MSRA: variants seen among roughly 807,000 people sequenced by gnomAD.
MSRA encodes the protein methionine sulfoxide reductase A.
Under a neutral mutation model 31.3 loss-of-function variants are expected in MSRA, and 54 were observed. That is an observed-to-expected ratio of 1.73 (90% CI 1.39 to 2.17). MSRA has a LOEUF of 2.17. Among genes scored for constraint, MSRA ranks in the 30% most tolerant of loss-of-function variants. MSRA has a pLI of 0.00. For missense variants in MSRA, 507 were observed against 300.9 expected, an observed-to-expected ratio of 1.69 and a Z score of -5.07; for synonymous variants, 169 against 116.5, an observed-to-expected ratio of 1.45 and a Z score of -2.90.
intron 1 of MSRA, among the ~76,000 whole-genome samples, chr8:10,107,899 A>G (rs1054349977): frequency 1.1e-4 from 17 of 152,292 alleles, no homozygotes; most frequent in African/African-American, 3.1e-4. Flanking sequence ...CAGAGAGAGC[A>G]TCCCTAATCT....
At chr8:10,379,483 G>A (rs1377069072) in intron 5 of MSRA, among the ~76,000 whole-genome samples, 1 of 152,124 alleles carries the variant, frequency 6.6e-6, no homozygotes, top group Admixed American at 6.5e-5. Context: ...CTGTGGCCTC[G>A]CCCCATGCCA....
At chr8:10,298,465 G>T (rs554028173) in intron 3 of MSRA, among the ~76,000 whole-genome samples, 1 of 152,126 alleles carries the variant, frequency 6.6e-6, no homozygotes, top group East Asian at 1.9e-4. Flanking sequence ...CCAGGGCCCA[G>T]TGGGAGCGGG....
intron 3 of MSRA, among the ~76,000 whole-genome samples, chr8:10,258,010 T>G (rs1377776588): frequency 6.6e-6 from 1 of 152,212 alleles, no homozygotes; most frequent in African/African-American, 2.4e-5. Context: ...TAATAGGTTT[T>G]AGTCGTTTCC....
chr8:10,391,811 C>G (rs1297520015), intron 5 of MSRA, among the ~76,000 whole-genome samples: 1 of 152,218 alleles, frequency 6.6e-6, no homozygotes, highest in Non-Finnish European at 1.5e-5. Flanking sequence ...AGGGCAGAGA[C>G]AGAATTATGA....
At chr8:10,146,124 T>G (rs917390171) in intron 1 of MSRA, among the ~76,000 whole-genome samples, 4 of 152,192 alleles carry the variant, frequency 2.6e-5, no homozygotes, top group Non-Finnish European at 4.4e-5. Flanking sequence ...GTGTGTGGTT[T>G]GGACCAGAAC....
At chr8:10,349,628 C>T (rs573272389) in intron 5 of MSRA, among the ~76,000 whole-genome samples, 16 of 152,318 alleles carry the variant, frequency 1.1e-4, no homozygotes, top group Non-Finnish European at 2.2e-4. Flanking sequence ...TGAGGAAGAC[C>T]CTGTCTGAGT....
intron 4 of MSRA, among the ~76,000 whole-genome samples, chr8:10,315,786 A>G (rs1164694235): frequency 6.6e-6 from 1 of 152,220 alleles, no homozygotes; most frequent in African/African-American, 2.4e-5. Flanking sequence ...TAATATTTTC[A>G]TTATTTGGCC....
At chr8:10,068,456 C>G (rs1263052774) in intron 1 of MSRA, among the ~76,000 whole-genome samples, 1 of 152,184 alleles carries the variant, frequency 6.6e-6, no homozygotes, top group Non-Finnish European at 1.5e-5. Flanking sequence ...TTGCATTTAG[C>G]TATGTGATCC....
intron 5 of MSRA, among the ~76,000 whole-genome samples, chr8:10,320,951 C>T (rs1268491971): frequency 2.0e-5 from 3 of 152,194 alleles, no homozygotes; most frequent in Non-Finnish European, 4.4e-5. Context: ...CTGTAAAGAC[C>T]CGTTCTCCAA....
rs1585074646 is a variant in MSRA at position 10,066,023 on chromosome 8, A to T, written c.142+11365A>T. Among the ~76,000 whole-genome samples the T allele has an allele frequency of 2.0e-5, 3 of 149,836 alleles. No individual in the cohort carries two copies. In the East Asian group the frequency reaches 5.8e-4, roughly 29 times the overall value. The stretch of plus-strand genomic sequence containing the variant: ...ATTATTAATATAACTTAATATAATA[A>T]TATATAATAACTTTTTTGAGACAGA... On this transcript the variant is annotated intron_variant, in intron 1 of 5. Transcript: ENST00000317173.
At chr8:10,204,744 A>G (rs1808796120) in intron 1 of MSRA, among the ~76,000 whole-genome samples, 1 of 152,230 alleles carries the variant, frequency 6.6e-6, no homozygotes, top group Non-Finnish European at 1.5e-5. Flanking sequence ...GGATCAAATA[A>G]GTTATCTTTC....
intron 5 of MSRA, among the ~76,000 whole-genome samples, chr8:10,387,762 T>G (rs1297680733): frequency 6.6e-6 from 1 of 152,232 alleles, no homozygotes; most frequent in Non-Finnish European, 1.5e-5. Flanking sequence ...GTAGTTCATC[T>G]TTCCTAGTTA....
chr8:10,428,179 C>G lies in MSRA; in HGVS notation c.575C>G (p.Thr192Ser), dbSNP rs199649360. 712 of 1,614,118 alleles carry G rather than the reference C, an allele frequency of 4.4e-4. No homozygotes were observed. Among genetic ancestry groups the G allele is most frequent in the Non-Finnish European group, 5.6e-4 (661 of 1,179,996 alleles). Residue 192 changes from threonine (T) to serine (S), a missense_variant, in exon 6 of 6, where the codon ACT becomes AGT. By Grantham distance (58) the Thr-to-Ser change is moderately conservative (BLOSUM62 1). Coordinates refer to ENST00000317173, the MANE Select transcript of MSRA (RefSeq NM_012331.5). ...TCAGAGCACGGCTTCGGCCCCATCA[C>G]TACCGACATCCGGGAGGGACAGACT... ...VLSEHGFGPI[T>S]TDIREGQTFY...
chr8:10,086,646 G>A (rs1198688033), intron 1 of MSRA, among the ~76,000 whole-genome samples: 1 of 152,100 alleles, frequency 6.6e-6, no homozygotes, highest in Non-Finnish European at 1.5e-5. Context: ...TTCTTATTGT[G>A]GCGGTTGTTA....
chr8:10,405,877 T>C (rs1807780940), intron 5 of MSRA, among the ~76,000 whole-genome samples: 1 of 152,126 alleles, frequency 6.6e-6, no homozygotes, highest in South Asian at 2.1e-4. Context: ...ACATACACAA[T>C]ATTCACACAT....
At chr8:10,256,012 T>G (rs1798158170) in intron 3 of MSRA, among the ~76,000 whole-genome samples, 1 of 152,060 alleles carries the variant, frequency 6.6e-6, no homozygotes, top group East Asian at 1.9e-4. Context: ...AGCCATAGTT[T>G]GCGTTGAGTT....
At chr8:10,103,559 C>T (rs1470003290) in intron 1 of MSRA, among the ~76,000 whole-genome samples, 3 of 152,012 alleles carry the variant, frequency 2.0e-5, no homozygotes, top group African/African-American at 7.3e-5. Context: ...GATAATGTGC[C>T]TGAAAGCAAT....
chr8:10,302,021 A>G (rs1369418493), intron 4 of MSRA, among the ~76,000 whole-genome samples: 5 of 152,188 alleles, frequency 3.3e-5, no homozygotes, highest in Non-Finnish European at 5.9e-5. Flanking sequence ...TATTTCTCTG[A>G]GTTTAGCCTT....
At chr8:10,135,450 A>G (rs1280506974) in intron 1 of MSRA, among the ~76,000 whole-genome samples, 1 of 152,190 alleles carries the variant, frequency 6.6e-6, no homozygotes, top group Non-Finnish European at 1.5e-5. Flanking sequence ...GTGCTGAAAA[A>G]CAGTGGAAGT....
Sources: allele counts gnomAD v4.1 joint callset (sites outside exome capture counted in the v4.1 genomes callset), GRCh38; gene constraint gnomAD v4.1.1; transcripts MANE v1.5; gene names NCBI Gene and HGNC (gene_info 2026-07-23, HGNC 2026-07-21).